The following SIPA1L3 variants were observed in gnomAD, a reference collection of about 807,000 sequenced individuals.
The protein encoded by SIPA1L3 is signal induced proliferation associated 1 like 3.
SIPA1L3 carries 59 observed loss-of-function variants against 150.1 expected under a neutral mutation model. The ratio of observed to expected loss-of-function variants is 0.39; its 90% CI spans 0.32 to 0.49. SIPA1L3 has a LOEUF of 0.49. SIPA1L3 is among the 20% of genes least tolerant of loss of function. The pLI is 0.86. For missense variants in SIPA1L3, 2,211 were observed against 2,489.5 expected (o/e 0.89, Z 2.38); for synonymous variants, 1,070 against 1,077.6 (o/e 0.99, Z 0.14).
intron 15 of SIPA1L3, among the ~76,000 whole-genome samples, chr19:38,172,032 G>A (rs891900102): frequency 6.6e-5 from 10 of 152,162 alleles, no homozygotes; most frequent in Non-Finnish European, 1.3e-4. Flanking sequence ...AGGGTAATGC[G>A]GGTGGATTTG....
intron 1 of SIPA1L3, among the ~76,000 whole-genome samples, chr19:37,961,516 T>G (rs1307098641): frequency 6.6e-6 from 1 of 152,214 alleles, no homozygotes; most frequent in Non-Finnish European, 1.5e-5. Context: ...TTTCTCCTTG[T>G]CTTTGTCTTT....
At chr19:37,941,971 CT>C (rs2046663103) in intron 1 of SIPA1L3, among the ~76,000 whole-genome samples, 1 of 152,178 alleles carries the variant, frequency 6.6e-6, no homozygotes, top group Non-Finnish European at 1.5e-5. Flanking sequence ...CATTTAGATG[CT>C]TTGGGATCAG....
intron 1 of SIPA1L3, among the ~76,000 whole-genome samples, chr19:37,956,473 A>G (rs1430584624): frequency 6.8e-6 from 1 of 146,582 alleles, no homozygotes; most frequent in Non-Finnish European, 1.5e-5. Flanking sequence ...TGCCTTTGGA[A>G]GTATAAAAGT....
chr19:38,142,675 G>C lies in SIPA1L3; in HGVS notation c.3498G>C (p.Ser1166=), dbSNP rs142547881. ...QPSGSFSTPG[S]ATYVRYKPSP... ...CTGGGAGCTTCTCCACCCCCGGTTC[G>C]GCCACCTACGTGAGATACAAGCCAT... Residue 1166 remains serine, a synonymous_variant, in exon 12 of 22, where the codon TCG becomes TCC. Coordinates refer to ENST00000222345, the MANE Select transcript of SIPA1L3 (RefSeq NM_015073.3). 1.2e-6 allele frequency: 2 copies of C among 1,613,790 alleles called. No homozygotes were observed. The highest frequency in any genetic ancestry group is 1.7e-6 in the Non-Finnish European group (2 of 1,179,916).
At chr19:38,196,672 G>A (rs1181779701) in intron 18 of SIPA1L3, among the ~76,000 whole-genome samples, 2 of 151,824 alleles carry the variant, frequency 1.3e-5, no homozygotes, top group Non-Finnish European at 2.9e-5. Context: ...GGAGGCCAAG[G>A]GTGGAGCGTG....
chr19:38,185,873 G>A (rs1447907566), intron 16 of SIPA1L3: 1 of 152,154 alleles, frequency 6.6e-6, no homozygotes, highest in Non-Finnish European at 1.5e-5. Context: ...TGGGGCTTAG[G>A]ACTTCAATGT....
chr19:38,060,575 G>A (rs1210522666), intron 2 of SIPA1L3, among the ~76,000 whole-genome samples: 2 of 152,182 alleles, frequency 1.3e-5, no homozygotes, highest in Non-Finnish European at 2.9e-5. Flanking sequence ...ACACACCGTC[G>A]CTCCCCTCCC....
At chr19:38,041,068 C>T (rs941886392) in intron 2 of SIPA1L3, among the ~76,000 whole-genome samples, 27 of 150,610 alleles carry the variant, frequency 1.8e-4, no homozygotes, top group Middle Eastern at 3.2e-3. Context: ...CGGCCCCTAT[C>T]GTGCTTTTTA....
At chr19:38,095,936 C>T (rs1028481516) in intron 4 of SIPA1L3, among the ~76,000 whole-genome samples, 3 of 152,160 alleles carry the variant, frequency 2.0e-5, no homozygotes, top group African/African-American at 7.2e-5. Flanking sequence ...GACACTGATC[C>T]TGTTGGTCTT....
intron 18 of SIPA1L3, among the ~76,000 whole-genome samples, chr19:38,195,376 C>G (rs887939953): frequency 9.8e-5 from 15 of 152,356 alleles, no homozygotes; most frequent in African/African-American, 3.1e-4. Context: ...CTCCCCTGCG[C>G]TCCCTTCCTG....
intron 2 of SIPA1L3, among the ~76,000 whole-genome samples, chr19:38,055,873 C>G (rs1180229112): frequency 6.6e-6 from 1 of 152,226 alleles, no homozygotes; most frequent in African/African-American, 2.4e-5. Flanking sequence ...TGAAATACAT[C>G]CCACCCCATA....
intron 8 of SIPA1L3, among the ~76,000 whole-genome samples, chr19:38,114,233 C>T (rs1970830664): frequency 2.6e-5 from 4 of 152,030 alleles, no homozygotes; most frequent in African/African-American, 7.2e-5. Context: ...CCAGCCTGAC[C>T]AACATGGAGA....
At chr19:38,172,030 G>A (rs1462458226) in intron 15 of SIPA1L3, among the ~76,000 whole-genome samples, 1 of 152,208 alleles carries the variant, frequency 6.6e-6, no homozygotes, top group Non-Finnish European at 1.5e-5. Flanking sequence ...CCAGGGTAAT[G>A]CGGGTGGATT....
chr19:38,078,495 C>T (rs535689948), intron 2 of SIPA1L3, among the ~76,000 whole-genome samples: 136 of 151,580 alleles, frequency 9.0e-4, no homozygotes, highest in Non-Finnish European at 1.7e-3. Context: ...CACACACACA[C>T]ACAGGCACAC....
intron 2 of SIPA1L3, among the ~76,000 whole-genome samples, chr19:38,071,593 A>G (rs1347715925): frequency 6.6e-6 from 1 of 152,154 alleles, no homozygotes; most frequent in Non-Finnish European, 1.5e-5. Context: ...CCAATCAGAT[A>G]TTTATTTAGA....
chr19:38,066,564 G>A (rs753296455), intron 2 of SIPA1L3, among the ~76,000 whole-genome samples: 2 of 152,214 alleles, frequency 1.3e-5, no homozygotes, highest in Admixed American at 6.5e-5. Flanking sequence ...GGTGGCTCAC[G>A]CCTGTAATCC....
chr19:38,152,956 G>A lies in SIPA1L3; in HGVS notation c.3650G>A (p.Arg1217His), dbSNP rs200685283. The change falls in exon 13 of 22, where the codon CGC (arginine) becomes CAC (histidine). Residue 1217 changes from arginine to histidine, a missense_variant. Arg to His is a conservative substitution (Grantham distance 29, BLOSUM62 0). Coordinates refer to ENST00000222345, the MANE Select transcript of SIPA1L3 (RefSeq NM_015073.3). ...ACCAGCCAGGAGAGCACCATGGAAC[G>A]CCAGAAGCCAGGTAGGGCCCCCACC... is the stretch of plus-strand genomic sequence containing the variant. ...GLTSQESTMERQKPEPLWHVP... is the reference protein window; with the variant it reads ...GLTSQESTMEHQKPEPLWHVP... 351 of 1,612,294 alleles carry A rather than the reference G, an allele frequency of 2.2e-4. No homozygotes were observed. Among genetic ancestry groups the A allele is most frequent in the African/African-American group, 7.7e-4 (58 of 75,036 alleles).
rs1973094101 is a variant in SIPA1L3 at position 38,201,855 on chromosome 19, C to T, written c.4985-7C>T. ...TGACCCCTCTCCTCCTCCTCCCTCCCTGGCAGTGCAAAGAGCCGTCTCACT... is the reference window on the plus strand; with the variant it reads ...TGACCCCTCTCCTCCTCCTCCCTCCTTGGCAGTGCAAAGAGCCGTCTCACT... On this transcript the variant is annotated splice_polypyrimidine_tract_variant and splice_region_variant and intron_variant, in intron 19 of 21. Transcript: ENST00000222345. 3 of 1,604,870 alleles carry T rather than the reference C, an allele frequency of 1.9e-6. No individual in the cohort carries two copies. Among genetic ancestry groups the T allele is most frequent in the African/African-American group, 1.3e-5 (1 of 74,682 alleles).
At chr19:38,027,587 C>T (rs1262782982) in intron 1 of SIPA1L3, among the ~76,000 whole-genome samples, 1 of 152,032 alleles carries the variant, frequency 6.6e-6, no homozygotes, top group African/African-American at 2.4e-5. Context: ...AGCCCACTGC[C>T]TTCATTGACC....
Sources: gnomAD v4.1 joint callset for allele counts (sites outside exome capture counted in the v4.1 genomes callset) on GRCh38, gnomAD v4.1.1 for gene constraint, MANE v1.5 for transcripts, NCBI Gene and HGNC (gene_info 2026-07-23, HGNC 2026-07-21) for gene names.